RBFOX1: variants seen among roughly 807,000 people sequenced by gnomAD.
RBFOX1 encodes the protein RNA binding protein fox-1 homolog 1.
In RBFOX1, 8 loss-of-function variants were observed where a neutral mutation model predicts 57.7. That is an observed-to-expected ratio of 0.14 (90% confidence interval 0.08 to 0.25). The LOEUF (loss-of-function observed/expected upper bound fraction) is 0.25. RBFOX1 is among the 10% of genes least tolerant of loss of function. The pLI is 1.00. For missense variants in RBFOX1, 611 were observed against 548.5 expected (o/e 1.11, Z -1.14); for synonymous variants, 326 against 222.4 (o/e 1.47, Z -4.15).
intron 1 of RBFOX1, among the ~76,000 whole-genome samples, chr16:5,433,386 A>G (rs1479103355): frequency 1.3e-5 from 2 of 152,178 alleles, no homozygotes; most frequent in Non-Finnish European, 2.9e-5. Context: ...ATTTGAAGCC[A>G]CATGCGTGCT....
chr16:6,674,985 A>G (rs1195774585), intron 3 of RBFOX1, among the ~76,000 whole-genome samples: 1 of 152,044 alleles, frequency 6.6e-6, no homozygotes, highest in Non-Finnish European at 1.5e-5. Context: ...GGCTCACTGC[A>G]ACCTCTGCCT....
At chr16:5,731,571 C>T (rs1441730525) in intron 3 of RBFOX1, among the ~76,000 whole-genome samples, 2 of 152,100 alleles carry the variant, frequency 1.3e-5, no homozygotes, top group Non-Finnish European at 2.9e-5. Flanking sequence ...TCTCTTGCTT[C>T]TGAGATTAGC....
intron 2 of RBFOX1, among the ~76,000 whole-genome samples, chr16:5,497,466 T>C (rs1198809351): frequency 3.3e-5 from 5 of 152,202 alleles, no homozygotes; most frequent in Admixed American, 6.5e-5. Flanking sequence ...AGAAGCACTT[T>C]TAGCCAAGAG....
chr16:7,441,821 C>T (rs2098769922), intron 4 of RBFOX1, among the ~76,000 whole-genome samples: 1 of 152,176 alleles, frequency 6.6e-6, no homozygotes, highest in Non-Finnish European at 1.5e-5. Context: ...TCAGGACTCA[C>T]CTTCGCCCAG....
At chr16:5,315,654 G>A (rs528923956) in intron 1 of RBFOX1, among the ~76,000 whole-genome samples, 6 of 152,190 alleles carry the variant, frequency 3.9e-5, no homozygotes, top group Non-Finnish European at 5.9e-5. Context: ...CGTTTGCAAG[G>A]AATTAATTTA....
At chr16:5,281,568 C>G (rs2151148952) in intron 1 of RBFOX1, among the ~76,000 whole-genome samples, 1 of 152,240 alleles carries the variant, frequency 6.6e-6, no homozygotes, top group South Asian at 2.1e-4. Context: ...ATCTCTCCGT[C>G]TAGATTTCAT....
intron 1 of RBFOX1, among the ~76,000 whole-genome samples, chr16:6,210,490 G>A (rs2097289121): frequency 6.6e-6 from 1 of 151,832 alleles, no homozygotes; most frequent in African/African-American, 2.4e-5. Flanking sequence ...AGCACTTTAA[G>A]AAGCTGAGAC....
At chr16:7,550,842 C>T (rs987370668) in intron 5 of RBFOX1, among the ~76,000 whole-genome samples, 2 of 151,932 alleles carry the variant, frequency 1.3e-5, no homozygotes, top group Admixed American at 6.6e-5. Context: ...TCCCATAATC[C>T]GAACGCTTTG....
intron 3 of RBFOX1, among the ~76,000 whole-genome samples, chr16:6,855,750 C>T (rs1283678932): frequency 6.6e-6 from 1 of 151,808 alleles, no homozygotes; most frequent in African/African-American, 2.4e-5. Flanking sequence ...TTTAATTGCG[C>T]AGCCCTTGGA....
At chr16:5,813,394 C>A (rs943405779) in intron 3 of RBFOX1, among the ~76,000 whole-genome samples, 2 of 152,190 alleles carry the variant, frequency 1.3e-5, no homozygotes, top group African/African-American at 4.8e-5. Flanking sequence ...AGCATTCATA[C>A]CCATTCCTCC....
chr16:7,142,846 C>T (rs2074126254), intron 4 of RBFOX1, among the ~76,000 whole-genome samples: 1 of 151,962 alleles, frequency 6.6e-6, no homozygotes, highest in Non-Finnish European at 1.5e-5. Context: ...ATGGTCAGCC[C>T]TGAGTAATTT....
intron 2 of RBFOX1, among the ~76,000 whole-genome samples, chr16:6,426,028 G>A (rs2093916006): frequency 6.6e-6 from 1 of 151,380 alleles, no homozygotes; most frequent in Non-Finnish European, 1.5e-5. Flanking sequence ...GAATCTTGTT[G>A]GCATTTTACT....
chr16:7,120,850 C>T (rs1430052736), intron 4 of RBFOX1, among the ~76,000 whole-genome samples: 1 of 149,576 alleles, frequency 6.7e-6, no homozygotes, highest in Admixed American at 6.7e-5. Context: ...CACACACACA[C>T]ACACACACAT....
intron 4 of RBFOX1, among the ~76,000 whole-genome samples, chr16:5,978,887 C>T (rs1029294504): frequency 6.6e-6 from 1 of 152,076 alleles, no homozygotes; most frequent in Non-Finnish European, 1.5e-5. Flanking sequence ...ATCACGGTGC[C>T]CACTTTGGTG....
chr16:6,810,855 A>G (rs781269568), intron 3 of RBFOX1, among the ~76,000 whole-genome samples: 1 of 152,174 alleles, frequency 6.6e-6, no homozygotes, highest in Non-Finnish European at 1.5e-5. Context: ...TGATCCAATC[A>G]CAAGCCTCCC....
At chr16:7,357,240 A>C (rs185876704) in intron 4 of RBFOX1, among the ~76,000 whole-genome samples, 1 of 152,124 alleles carries the variant, frequency 6.6e-6, no homozygotes, top group East Asian at 1.9e-4. Flanking sequence ...AATGGAAAAA[A>C]AAAAAAAAAT....
chr16:6,297,026 G>T (rs2152734142), intron 1 of RBFOX1, among the ~76,000 whole-genome samples: 1 of 152,308 alleles, frequency 6.6e-6, no homozygotes, highest in Admixed American at 6.5e-5. Flanking sequence ...CAAGGGGTGG[G>T]TTATTCATGC....
At chr16:6,344,436 C>A (rs1430560376) in intron 2 of RBFOX1, among the ~76,000 whole-genome samples, 1 of 101,298 alleles carries the variant, frequency 9.9e-6, no homozygotes, top group African/African-American at 4.8e-5. Flanking sequence ...GAGTCTCTAT[C>A]GCCCAGGCTG....
chr16:7,112,993 C>G (rs1567306059), intron 4 of RBFOX1, among the ~76,000 whole-genome samples: 1 of 152,132 alleles, frequency 6.6e-6, no homozygotes, highest in African/African-American at 2.4e-5. Flanking sequence ...GTTGGTTGTT[C>G]TTACATGAAT....
Sources: allele counts gnomAD v4.1 joint callset (sites outside exome capture counted in the v4.1 genomes callset), GRCh38; gene constraint gnomAD v4.1.1; transcripts MANE v1.5; gene names NCBI Gene and HGNC (gene_info 2026-07-23, HGNC 2026-07-21).